Variants in INF2 observed in about 807,000 individuals in gnomAD.
INF2 encodes inverted formin 2.
Under a neutral mutation model 123.5 loss-of-function variants are expected in INF2, and 43 were observed. That is an observed-to-expected ratio of 0.35 (90% confidence interval 0.27 to 0.45). The LOEUF is 0.45. INF2 is among the 20% of genes least tolerant of loss of function. INF2 has a pLI of 1.00. For synonymous variants in INF2, 851 were observed against 745.0 expected (o/e 1.14, Z -2.32); for missense variants, 1,453 against 1,682.7 (o/e 0.86, Z 2.39).
In INF2 at chr14:104,701,390, C is replaced by T. The variant is rs1889485557; in HGVS notation, c.25C>T (p.Arg9Cys). The T allele has an allele frequency of 1.3e-6, 2 of 1,590,374 alleles. No individual in the cohort carries two copies. Among genetic ancestry groups the T allele is most frequent in the Non-Finnish European group, 1.7e-6 (2 of 1,168,018 alleles). Residue 9 changes from arginine to cysteine, a missense_variant, in exon 2 of 23, where the codon CGC becomes TGC. This residue lies in a region of INF2 where 43 missense variants were observed against 44.7 expected (regional missense o/e 0.96). Transcript: ENST00000392634. MSVKEGAQ[R>C]KWAALKEKLG... ...GATGTCGGTGAAGGAGGGCGCACAG[C>T]GCAAGTGGGCAGCGCTGAAGGAGAA...
In INF2 at chr14:104,714,809, A is replaced by G; in HGVS notation, c.3647A>G (p.Lys1216Arg). 5 of 1,596,378 alleles carry G rather than the reference A, an allele frequency of 3.1e-6. No homozygotes were observed. Among genetic ancestry groups the G allele is most frequent in the Non-Finnish European group, 4.3e-6 (5 of 1,173,750 alleles). Reference protein sequence around the residue: ...TLPRARGRASKGTGKRRKKRP... With the variant: ...TLPRARGRASRGTGKRRKKRP... ...CCCAGGGCCCGGGGCCGGGCCTCAA[A>G]GGGGACCGGGAAGCGAAGGAAGAAG... Residue 1216 changes from lysine to arginine, a missense_variant, in exon 21 of 23, where the codon AAG becomes AGG. Lys to Arg is a conservative substitution (Grantham distance 26, BLOSUM62 2). Around this residue, in one of 8 missense-constraint regions of INF2, gnomAD observed 344 missense variants for 333.1 expected, o/e 1.03. Transcript: ENST00000392634.
In INF2 at chr14:104,712,734, C is replaced by T. The variant is rs530347609; in HGVS notation, c.2611-94C>T. On this transcript the variant is annotated intron_variant, in intron 17 of 22. Coordinates refer to ENST00000392634, the MANE Select transcript of INF2 (RefSeq NM_022489.4). The stretch of plus-strand genomic sequence containing the variant: ...AGAGACCACCGTCCTCAGGGCCTGT[C>T]CCTGTGGCCGTCACCCTCCCGCAAC... 2.7e-6 allele frequency: 4 copies of T among 1,484,450 alleles called. No individual in the cohort carries two copies. In the African/African-American group the frequency reaches 5.5e-5, roughly 21 times the overall value. 92.0% of individuals were successfully genotyped at this position (1,484,450 alleles called of 1,614,324 possible). A position where few individuals can be genotyped will look rare whatever the true frequency, so the allele number is the denominator to read the frequency against.
upstream of INF2, among the ~76,000 whole-genome samples, chr14:104,687,584 A>G (rs928920781): frequency 3.3e-5 from 5 of 151,890 alleles, no homozygotes; most frequent in Non-Finnish European, 5.9e-5. The surrounding 1 kb of genome is among the most constrained non-coding windows in gnomAD (Gnocchi z 5.6). Context: ...CAACTAAATC[A>G]CATTCACCCC....
intron 5 of INF2, chr14:104,704,349 A>G (rs1353451226): frequency 2.7e-6 from 1 of 376,514 alleles, no homozygotes; most frequent in Non-Finnish European, 4.7e-6. Flanking sequence ...GCGAGAGTTG[A>G]AAAACTACCT....
rs1889345610 is a variant in INF2 at position 104,699,126 on chromosome 14, GGGCCTGGGGCACGGTGGCTCTC to G, written c.-9-2227_-9-2206del. On this transcript the variant is annotated intron_variant, in intron 1 of 22. Coordinates refer to ENST00000392634, the MANE Select transcript of INF2 (RefSeq NM_022489.4). The surrounding 1 kb of genome is among the most constrained non-coding windows in gnomAD (Gnocchi z 4.7). The stretch of plus-strand genomic sequence containing the variant: ...ATCTTCTGTGTCCAGGGACACCCTG[GGGCCTGGGGCACGGTGGCTCTC>G]GGCGGCACTGCTTGTCTCTAAAAGG... Among the ~76,000 whole-genome samples the G allele has an allele frequency of 6.6e-6, 1 of 152,092 alleles. No homozygotes were observed. Among genetic ancestry groups the G allele is most frequent in the African/African-American group, 2.4e-5 (1 of 41,396 alleles).
chr14:104,717,377 C>G (rs141991207), intron 22 of INF2, among the ~76,000 whole-genome samples: 8 of 152,214 alleles, frequency 5.3e-5, no homozygotes, highest in South Asian at 4.1e-4. Flanking sequence ...CAGTCCCCCC[C>G]GGGCAGGGTC....
chr14:104,709,368 T>C lies in INF2; in HGVS notation c.2037T>C (p.Leu679=). ...TTCTCAAACAACTCCTTAAGCTCCT[T>C]CCCGAGAAGCACGAGGTAAGAGGAC... ...VEVLKQLLKL[L]PEKHEIENLR... Residue 679 remains leucine (L), a synonymous_variant, in exon 11 of 23, where the codon CTT becomes CTC. Coordinates refer to ENST00000392634, the MANE Select transcript of INF2 (RefSeq NM_022489.4). 1 of 1,612,752 alleles carries C rather than the reference T, an allele frequency of 6.2e-7. No individual in the cohort carries two copies. The highest frequency in any genetic ancestry group is 1.1e-5 in the South Asian group (1 of 91,070).
intron 5 of INF2, chr14:104,704,871 C>T (rs76386715): frequency 0.12 from 18,029 of 152,214 alleles, 1,295 homozygotes; most frequent in Non-Finnish European, 0.15. Flanking sequence ...ACACAACAGA[C>T]GATATTTTGG....
rs1889507411 is a variant in INF2, at chr14:104,701,662, C to T, written c.297C>T (p.Leu99=). ...VARISDALLQ[L]TCVSCVRAVM... The stretch of plus-strand genomic sequence containing the variant: ...GTATCTCCGACGCCCTGCTGCAGCT[C>T]ACCTGCGTCAGCTGCGTGCGCGCCG... Residue 99 remains leucine (L), a synonymous_variant, in exon 2 of 23, where the codon CTC becomes CTT. Coordinates refer to ENST00000392634, the MANE Select transcript of INF2 (RefSeq NM_022489.4). 15 of 1,592,888 alleles carry T rather than the reference C, an allele frequency of 9.4e-6. No individual in the cohort carries two copies. Among genetic ancestry groups the T allele is most frequent in the South Asian group, 2.2e-5 (2 of 89,406 alleles).
At chr14:104,702,280 C>T (rs1445316258) in intron 2 of INF2, among the ~76,000 whole-genome samples, 1 of 152,208 alleles carries the variant, frequency 6.6e-6, no homozygotes, top group Admixed American at 6.5e-5. Flanking sequence ...TCCCCTACTC[C>T]AGCACCCAGG....
chr14:104,701,233 G>A, intron 1 of INF2, 124 bp from the exon 2 acceptor site: 1 of 1,114,810 alleles, frequency 9.0e-7, no homozygotes, highest in Admixed American at 2.2e-5. Context: ...CCCTCAGCAT[G>A]GCACGTGAGC....
Position 104,693,189 on chromosome 14 carries a change from G to A in INF2, c.-10+3450G>A, listed in dbSNP as rs561026051. On this transcript the variant is annotated intron_variant, in intron 1 of 22. Transcript: ENST00000392634. ...CAGGGACCCTGTGCTCCCGTGCTGT[G>A]ACAGCGTTATACCACCCCACCTGCT... Among the ~76,000 whole-genome samples the A allele has an allele frequency of 2.6e-5, 4 of 152,372 alleles. No individual in the cohort carries two copies. In the South Asian group the frequency reaches 8.3e-4, roughly 32 times the overall value.
At chr14:104,706,875 G>C (rs558544860) in intron 6 of INF2, 35 bp from the exon 7 acceptor site, 1 of 1,597,650 alleles carries the variant, frequency 6.3e-7, no homozygotes. Context: ...GGGAGGGGCC[G>C]GCTGCTGACC....
At chr14:104,715,194 C>A in intron 21 of INF2, 90 bp from the exon 22 acceptor site, 1 of 1,269,028 alleles carries the variant, frequency 7.9e-7, no homozygotes, top group Non-Finnish European at 1.2e-6. Flanking sequence ...GTTGGCATGG[C>A]TGTCCCGGGC....
At chr14:104,698,678 A>T (rs1174720599) in intron 1 of INF2, among the ~76,000 whole-genome samples, 1 of 152,202 alleles carries the variant, frequency 6.6e-6, no homozygotes, top group African/African-American at 2.4e-5. Flanking sequence ...GTGTGTTTGC[A>T]GGTTCAGCCT....
At chr14:104,697,756 T>C (rs1488509635) in intron 1 of INF2, among the ~76,000 whole-genome samples, 2 of 152,192 alleles carry the variant, frequency 1.3e-5, no homozygotes, top group Admixed American at 6.5e-5. Flanking sequence ...AGGCTATTGG[T>C]TGACAAAAGC....
In INF2 at chr14:104,703,417, C is replaced by T. The variant is rs553296905; in HGVS notation, c.630C>T (p.Asp210=). ...ACGCCGTCATCTTGGGCCCCGAGGA[C>T]CTGCGCGCGCGCACCCAGCTGCGGA... ...VINAVILGPE[D]LRARTQLRNE... Residue 210 remains aspartate (D), a synonymous_variant, in exon 4 of 23, where the codon GAC becomes GAT. Transcript: ENST00000392634. 2.8e-5 allele frequency: 45 copies of T among 1,612,856 alleles called. No homozygotes were observed. The South Asian group carries it at 3.5e-4, about 13-fold the overall frequency.
chr14:104,689,105 G>A, upstream of INF2: 1 of 652,710 alleles, frequency 1.5e-6, no homozygotes, highest in Non-Finnish European at 1.9e-6. Context: ...GCGGAGAGGA[G>A]GCCACATGGG....
chr14:104,704,542 A>G (rs561756637), intron 5 of INF2: 1 of 161,062 alleles, frequency 6.2e-6, no homozygotes, highest in South Asian at 1.8e-4. Flanking sequence ...TAGATTCTCC[A>G]GCGCACGCAC....
Sources: gnomAD v4.1 joint callset for allele counts (sites outside exome capture counted in the v4.1 genomes callset) on GRCh38, gnomAD v4.1.1 for gene constraint, gnomAD v4.1.1 regional missense constraint, Gnocchi (gnomAD v3.1) non-coding constraint, MANE v1.5 for transcripts, NCBI Gene and HGNC (gene_info 2026-07-23, HGNC 2026-07-21) for gene names.